Variants in GRIA1 observed in about 807,000 individuals in gnomAD.
The protein encoded by GRIA1 is glutamate ionotropic receptor AMPA type subunit 1, also known as glutamate receptor 1.
Under a neutral mutation model 99.2 loss-of-function variants are expected in GRIA1, and 31 were observed. That is an observed-to-expected ratio of 0.31 (90% CI 0.23 to 0.42). The LOEUF (loss-of-function observed/expected upper bound fraction) is 0.42. GRIA1 is among the 10% of genes least tolerant of loss of function. The pLI, the probability that GRIA1 is intolerant of heterozygous loss-of-function variation, is 1.00. For synonymous variants in GRIA1, 438 were observed against 432.4 expected (o/e 1.01, Z -0.16); for missense variants, 782 against 1,157.5 (o/e 0.68, Z 4.71).
chr5:153,741,782 G>T (rs1761808677), intron 11 of GRIA1, among the ~76,000 whole-genome samples: 1 of 152,084 alleles, frequency 6.6e-6, no homozygotes, highest in Admixed American at 6.6e-5. Flanking sequence ...TAATCAGCAG[G>T]CATAAAATTT....
chr5:153,503,358 A>T (rs1480961324), intron 2 of GRIA1, among the ~76,000 whole-genome samples: 3 of 152,164 alleles, frequency 2.0e-5, no homozygotes, highest in Non-Finnish European at 4.4e-5. Flanking sequence ...TAGTTTCCAG[A>T]TGTATAATAT....
intron 2 of GRIA1, among the ~76,000 whole-genome samples, chr5:153,500,104 A>G (rs576056385): frequency 6.6e-5 from 10 of 152,220 alleles, no homozygotes; most frequent in African/African-American, 2.4e-4. Flanking sequence ...CTCTTATTAT[A>G]ATATTGATAA....
In GRIA1 at chr5:153,748,934, T is replaced by C. The variant is rs140142067; in HGVS notation, c.1824-15500T>C. ...ACAGGATAGGGGATAGAGATCTAAA[T>C]TGGGGAGTTTTCAGCCTCTGTGTAT... On this transcript the variant is annotated intron_variant, in intron 11 of 15. Transcript: ENST00000285900. 8.4e-3 allele frequency among the ~76,000 whole-genome samples: 1,284 copies of C among 152,168 alleles called. 7 individuals carry two copies. Among genetic ancestry groups the C allele is most frequent in the South Asian group, 0.014 (66 of 4,816 alleles).
intron 11 of GRIA1, among the ~76,000 whole-genome samples, chr5:153,735,400 AG>A (rs1179750805): frequency 6.6e-6 from 1 of 152,204 alleles, no homozygotes; most frequent in Non-Finnish European, 1.5e-5. Flanking sequence ...CTGAGCAAGC[AG>A]GGGGTACCTG....
At chr5:153,733,442 GAAGA>G (rs1761176466) in intron 11 of GRIA1, among the ~76,000 whole-genome samples, 2 of 151,998 alleles carry the variant, frequency 1.3e-5, no homozygotes, top group South Asian at 2.1e-4. Flanking sequence ...ACAAAGAGAA[GAAGA>G]AAGAAAGGGA....
At chr5:153,658,999 A>AAC (rs138609740) in intron 5 of GRIA1, among the ~76,000 whole-genome samples, 5,620 of 130,058 alleles carry the variant, frequency 0.043, 354 homozygotes, top group African/African-American at 0.13. Context: ...CAAACAAACA[A>AAC]AAAAAAAACC....
At chr5:153,570,852 A>T (rs1437617521) in intron 2 of GRIA1, among the ~76,000 whole-genome samples, 2 of 152,212 alleles carry the variant, frequency 1.3e-5, no homozygotes, top group Non-Finnish European at 2.9e-5. Context: ...TTTATTAATA[A>T]TTCCTATAGT....
chr5:153,533,320 G>T (rs145146168), intron 2 of GRIA1, among the ~76,000 whole-genome samples: 1 of 151,924 alleles, frequency 6.6e-6, no homozygotes, highest in African/African-American at 2.4e-5. Context: ...GTCACTGTTG[G>T]CCAGCCTCGG....
chr5:153,727,919 C>T (rs1216642030), intron 11 of GRIA1, among the ~76,000 whole-genome samples: 2 of 151,212 alleles, frequency 1.3e-5, no homozygotes, highest in Non-Finnish European at 2.9e-5. Context: ...GAGCCCGCAT[C>T]GCCAAGTCAA....
In GRIA1 at chr5:153,667,624, A is replaced by G. The variant is rs76529656; in HGVS notation, c.700-6876A>G. On this transcript the variant is annotated intron_variant, in intron 5 of 15. Transcript: ENST00000285900. Reference sequence around the variant, plus strand: ...TTTTATTAATTCTTTTAAACCGTTCACCAATCCTGTGATGTAGGTGCTATA... The same window carrying G: ...TTTTATTAATTCTTTTAAACCGTTCGCCAATCCTGTGATGTAGGTGCTATA... Among the ~76,000 whole-genome samples, 3 of 152,324 alleles carry G rather than the reference A, an allele frequency of 2.0e-5. 1 individual carries two copies. The South Asian group carries it at 6.2e-4, about 32-fold the overall frequency.
intron 2 of GRIA1, among the ~76,000 whole-genome samples, chr5:153,542,216 A>G (rs890289011): frequency 6.6e-6 from 1 of 152,170 alleles, no homozygotes; most frequent in African/African-American, 2.4e-5. Flanking sequence ...CCCATCCAGA[A>G]GGATATCCAA....
At chr5:153,810,432 T>C (rs1297608111) in intron 15 of GRIA1, among the ~76,000 whole-genome samples, 1 of 152,220 alleles carries the variant, frequency 6.6e-6, no homozygotes, top group Admixed American at 6.5e-5. Context: ...CTGAAGTAAA[T>C]CAGAGGTAGT....
intron 2 of GRIA1, among the ~76,000 whole-genome samples, chr5:153,512,463 T>G (rs1462376233): frequency 6.6e-6 from 1 of 152,204 alleles, no homozygotes; most frequent in Non-Finnish European, 1.5e-5. Context: ...AGGTACTGCA[T>G]TTTCTATGGC....
chr5:153,546,261 G>A (rs373500420), intron 2 of GRIA1, among the ~76,000 whole-genome samples: 1 of 152,174 alleles, frequency 6.6e-6, no homozygotes, highest in East Asian at 1.9e-4. Flanking sequence ...AATCATCATT[G>A]TGCAAACATC....
At chr5:153,641,188 T>A (rs937869522) in intron 2 of GRIA1, among the ~76,000 whole-genome samples, 4 of 152,154 alleles carry the variant, frequency 2.6e-5, no homozygotes, top group African/African-American at 9.7e-5. Context: ...AATGAAGCTG[T>A]CCTGTCACCT....
chr5:153,731,611 T>A (rs1211905026), intron 11 of GRIA1, among the ~76,000 whole-genome samples: 1 of 152,138 alleles, frequency 6.6e-6, no homozygotes. Context: ...TGAGGTACAA[T>A]TGACAAATAA....
chr5:153,493,888 C>T, intron 1 of GRIA1, 40 bp from the exon 2 acceptor site: 1 of 1,611,114 alleles, frequency 6.2e-7, no homozygotes, highest in South Asian at 1.1e-5. Context: ...TAAAACCTGT[C>T]TCTAGCCCAT....
intron 2 of GRIA1, among the ~76,000 whole-genome samples, chr5:153,511,891 C>T (rs1376677561): frequency 6.6e-6 from 1 of 152,190 alleles, no homozygotes; most frequent in African/African-American, 2.4e-5. Context: ...GCCTTGCTGC[C>T]ATGCTTCTTT....
intron 8 of GRIA1, among the ~76,000 whole-genome samples, chr5:153,690,897 A>C (rs1757697546): frequency 6.6e-6 from 1 of 152,174 alleles, no homozygotes; most frequent in Non-Finnish European, 1.5e-5. Flanking sequence ...CAGCCTCCTA[A>C]CAAAGTAATT....
Sources: gnomAD v4.1 joint callset for allele counts (sites outside exome capture counted in the v4.1 genomes callset) on GRCh38, gnomAD v4.1.1 for gene constraint, MANE v1.5 for transcripts, NCBI Gene and HGNC (gene_info 2026-07-23, HGNC 2026-07-21) for gene names.